B3GLCT: variants seen among roughly 807,000 people sequenced by gnomAD.
B3GLCT encodes the protein beta 3-glucosyltransferase.
B3GLCT carries 65 observed loss-of-function variants against 63.4 expected under a neutral mutation model. That is an observed-to-expected ratio of 1.03 (90% confidence interval 0.84 to 1.26). The LOEUF (loss-of-function observed/expected upper bound fraction) is 1.26, where lower values mean the gene tolerates loss of function less well. B3GLCT is among the 50% of genes most tolerant of loss of function. B3GLCT has a pLI of 0.00. For synonymous variants in B3GLCT, 233 were observed against 219.2 expected (o/e 1.06, Z -0.55); for missense variants, 577 against 604.8 (o/e 0.95, Z 0.48).
intron 7 of B3GLCT, among the ~76,000 whole-genome samples, chr13:31,264,348 C>T: frequency 6.6e-6 from 1 of 152,164 alleles, no homozygotes; most frequent in East Asian, 1.9e-4. Context: ...AGGAGTGAGG[C>T]ACCAGATAGC....
intron 3 of B3GLCT, among the ~76,000 whole-genome samples, chr13:31,224,506 T>C (rs891348900): frequency 1.3e-5 from 2 of 152,276 alleles, no homozygotes; most frequent in African/African-American, 4.8e-5. Context: ...AATCTTTGTG[T>C]GAGCCTGCAA....
chr13:31,291,987 T>G (rs1325262869), intron 12 of B3GLCT, among the ~76,000 whole-genome samples: 1 of 152,106 alleles, frequency 6.6e-6, no homozygotes, highest in Non-Finnish European at 1.5e-5. Context: ...GAGATACATT[T>G]CATCAATACC....
intron 12 of B3GLCT, among the ~76,000 whole-genome samples, chr13:31,314,891 C>T (rs1874914729): frequency 6.6e-6 from 1 of 152,188 alleles, no homozygotes; most frequent in African/African-American, 2.4e-5. Flanking sequence ...ATCCTGAGGG[C>T]TGGTCTTTCC....
At chr13:31,246,355 T>G (rs1263252837) in intron 4 of B3GLCT, among the ~76,000 whole-genome samples, 1 of 152,248 alleles carries the variant, frequency 6.6e-6, no homozygotes, top group South Asian at 2.1e-4. Flanking sequence ...TATATATGTA[T>G]ACATAATTTA....
intron 11 of B3GLCT, 109 bp downstream of exon 11, chr13:31,284,870 C>T: frequency 2.6e-6 from 2 of 757,882 alleles, no homozygotes; most frequent in Non-Finnish European, 4.6e-6. Flanking sequence ...TAATTTTTGC[C>T]TCATATTAGT....
At chr13:31,209,399 AG>A (rs1387582718) in intron 1 of B3GLCT, among the ~76,000 whole-genome samples, 7 of 152,224 alleles carry the variant, frequency 4.6e-5, no homozygotes, top group African/African-American at 1.2e-4. Context: ...AATCCTGGAA[AG>A]CTCCACGGAG....
At chr13:31,202,391 G>A (rs1039006272) in intron 1 of B3GLCT, among the ~76,000 whole-genome samples, 6 of 152,192 alleles carry the variant, frequency 3.9e-5, no homozygotes, top group African/African-American at 1.4e-4. Context: ...GTGGCTTTGA[G>A]CTTCAGTTTT....
rs769182025 is a variant in B3GLCT at position 31,323,824 on chromosome 13, G to A, written c.1258G>A (p.Asp420Asn). 9 of 1,614,026 alleles carry A rather than the reference G, an allele frequency of 5.6e-6. No individual in the cohort carries two copies. The highest frequency in any genetic ancestry group is 2.7e-5 in the African/African-American group (2 of 74,918). Reference sequence around the variant, plus strand: ...TCGATGCTACAGCAATGATGCTCCCGATGATATGGTCCTGGGAATGTGCTT... The same window carrying A: ...TCGATGCTACAGCAATGATGCTCCCAATGATATGGTCCTGGGAATGTGCTT... ...KCRCYSNDAP[D>N]DMVLGMCFSG... Residue 420 changes from aspartate (D) to asparagine (N), a missense_variant, in exon 14 of 15, where the codon GAT becomes AAT. By Grantham distance (23) the Asp-to-Asn change is conservative (BLOSUM62 1). Transcript: ENST00000343307.
chr13:31,236,953 C>A (rs1870680524), intron 4 of B3GLCT, among the ~76,000 whole-genome samples: 1 of 151,986 alleles, frequency 6.6e-6, no homozygotes, highest in Non-Finnish European at 1.5e-5. Context: ...ATGGTGAAAC[C>A]CTGTCTATAC....
chr13:31,215,057 G>A lies in B3GLCT; in HGVS notation c.77G>A (p.Gly26Asp), dbSNP rs773153283. 6.3e-7 allele frequency: 1 copy of A among 1,594,144 alleles called. No homozygotes were observed. Among genetic ancestry groups the A allele is most frequent in the Non-Finnish European group, 8.5e-7 (1 of 1,173,616 alleles). ...CTTTTTTTTTTTTTTCCAGCTTTTG[G>A]TTTGGCTTCTGAAGATACAAAGAAA... Reference protein sequence around the residue: ...LALLTCSLAFGLASEDTKKEV... With the variant: ...LALLTCSLAFDLASEDTKKEV... Residue 26 changes from glycine (G) to aspartate (D), a missense_variant, in exon 2 of 15, where the codon GGT (glycine) becomes GAT (aspartate). Transcript: ENST00000343307.
At position 31,240,933 on chromosome 13, in the gene B3GLCT, AT is replaced by A. The variant is rs77708418; in HGVS notation, c.271-6080del. Among the ~76,000 whole-genome samples, 279 of 150,768 alleles carry A rather than the reference AT, an allele frequency of 1.9e-3. 2 individuals are homozygous for A. The highest frequency in any genetic ancestry group is 6.2e-3 in the African/African-American group (256 of 41,184). ...ATAGGATGCTCCAGGAGAAAATAGA[AT>A]TTTTTTTTTATACACATTCTCTCAC... is the stretch of plus-strand genomic sequence containing the variant. On this transcript the variant is annotated intron_variant, in intron 4 of 14. Transcript: ENST00000343307.
intron 12 of B3GLCT, among the ~76,000 whole-genome samples, chr13:31,292,979 G>A (rs902512652): frequency 5.3e-5 from 8 of 152,126 alleles, no homozygotes; most frequent in African/African-American, 1.9e-4. Context: ...CACTGCTTTA[G>A]CTGTGTCCCA....
At chr13:31,205,427 C>T (rs1382263919) in intron 1 of B3GLCT, among the ~76,000 whole-genome samples, 1 of 151,874 alleles carries the variant, frequency 6.6e-6, no homozygotes, top group Non-Finnish European at 1.5e-5. Context: ...CGCATGGTGG[C>T]GTGTGTTTGT....
At chr13:31,210,849 G>A (rs947295975) in intron 1 of B3GLCT, among the ~76,000 whole-genome samples, 2 of 152,000 alleles carry the variant, frequency 1.3e-5, no homozygotes, top group African/African-American at 4.8e-5. Flanking sequence ...GATACAAGGA[G>A]TCCTCCCACC....
At chr13:31,274,714 AT>A in intron 9 of B3GLCT, 86 bp downstream of exon 9, 1 of 1,547,008 alleles carries the variant, frequency 6.5e-7, no homozygotes. Context: ...TTTAAAATGA[AT>A]TTTAAATTCA....
intron 7 of B3GLCT, among the ~76,000 whole-genome samples, chr13:31,261,963 A>G (rs150915301): frequency 8.5e-5 from 13 of 152,282 alleles, no homozygotes; most frequent in Non-Finnish European, 1.5e-4. Context: ...TGTGTTTCCT[A>G]GCTTTCCTTG....
chr13:31,206,647 G>A (rs1380083367), intron 1 of B3GLCT, among the ~76,000 whole-genome samples: 8 of 149,900 alleles, frequency 5.3e-5, no homozygotes, highest in East Asian at 2.0e-4. Context: ...CCAGCTACTC[G>A]AGAGGCTGAG....
At position 31,332,174 on chromosome 13, in the gene B3GLCT, A is replaced by T. The variant is rs956416198; in HGVS notation, c.*2506A>T. ...CCTCTTGTTGTATATATCCTCAAAA[A>T]TTAATGTAATTGACATCTTCAAGAA... On this transcript the variant is annotated 3_prime_UTR_variant, in exon 15 of 15. Transcript: ENST00000343307. The T allele has an allele frequency of 1.3e-5, 2 of 152,146 alleles. No homozygotes were observed. The highest frequency in any genetic ancestry group is 6.6e-5 in the Admixed American group (1 of 15,262). The allele number at this position is 152,146 out of a possible 1,614,324, so 9.4% of individuals were successfully genotyped here.
chr13:31,325,616 A>G (rs1875565432), intron 14 of B3GLCT, among the ~76,000 whole-genome samples: 2 of 152,248 alleles, frequency 1.3e-5, no homozygotes, highest in Middle Eastern at 3.2e-3. Flanking sequence ...TCTAATTCAC[A>G]TACATTTTAA....
Sources: allele counts gnomAD v4.1 joint callset (sites outside exome capture counted in the v4.1 genomes callset), GRCh38; gene constraint gnomAD v4.1.1; transcripts MANE v1.5; gene names NCBI Gene and HGNC (gene_info 2026-07-23, HGNC 2026-07-21).